JARID2: variants seen among roughly 807,000 people sequenced by gnomAD.
JARID2 encodes jumonji and AT-rich interaction domain containing 2.
JARID2 carries 21 observed loss-of-function variants against 125.6 expected under a neutral mutation model. The observed-to-expected ratio is 0.17, with a 90% CI of 0.12 to 0.24. The LOEUF (loss-of-function observed/expected upper bound fraction) is 0.24, where lower values mean the gene tolerates loss of function less well. Ranked by LOEUF, JARID2 falls within the 10% of genes least tolerant of loss-of-function variation. JARID2 has a pLI of 1.00. For synonymous variants in JARID2, 736 were observed against 661.6 expected (o/e 1.11, Z -1.73); for missense variants, 1,303 against 1,639.6 (o/e 0.79, Z 3.55).
chr6:15,257,634 A>G (rs950257939), intron 1 of JARID2, among the ~76,000 whole-genome samples: 2 of 152,194 alleles, frequency 1.3e-5, no homozygotes, highest in Non-Finnish European at 1.5e-5. Context: ...CTGTGAAATT[A>G]CTGACTTAGA....
Position 15,520,333 on chromosome 6 carries a change from A to G in JARID2, c.*82A>G. 9.1e-7 allele frequency: 1 copy of G among 1,101,922 alleles called. No individual in the cohort carries two copies. The highest frequency in any genetic ancestry group is 1.3e-6 in the Non-Finnish European group (1 of 799,296). 68.3% of individuals were successfully genotyped at this position (1,101,922 alleles called of 1,614,324 possible). Reference sequence around the variant, plus strand: ...GTTTGGAGTACTTGCTGTAGGATTCAAGCTGTCTTTGCACTAGCTCTAAAG... The same window carrying G: ...GTTTGGAGTACTTGCTGTAGGATTCGAGCTGTCTTTGCACTAGCTCTAAAG... On this transcript the variant is annotated 3_prime_UTR_variant, in exon 18 of 18. Coordinates refer to ENST00000341776, the MANE Select transcript of JARID2 (RefSeq NM_004973.4).
At chr6:15,335,300 G>A (rs951850405) in intron 1 of JARID2, among the ~76,000 whole-genome samples, 7 of 152,026 alleles carry the variant, frequency 4.6e-5, no homozygotes, top group South Asian at 2.1e-4. Context: ...GGGTTTCACC[G>A]TGTTGGCCAG....
intron 14 of JARID2, 82 bp from the exon 15 acceptor site, chr6:15,512,833 G>C (rs1771343646): frequency 1.5e-6 from 2 of 1,340,508 alleles, no homozygotes; most frequent in Admixed American, 2.1e-5. Flanking sequence ...CAGACAGCCT[G>C]CCTGCCCCCT....
In JARID2 at chr6:15,490,532, G is replaced by A. The variant is rs150395935; in HGVS notation, c.906+2990G>A. On this transcript the variant is annotated intron_variant, in intron 6 of 17. Coordinates refer to ENST00000341776, the MANE Select transcript of JARID2 (RefSeq NM_004973.4). ...GTACTTCACCTAAGCCTTTTTCTTG[G>A]TGAGAGGGCTCTGGCCCCGGCCGTT... Among the ~76,000 whole-genome samples, 6 of 152,328 alleles carry A rather than the reference G, an allele frequency of 3.9e-5. No individual in the cohort carries two copies. In the East Asian group the frequency reaches 9.6e-4, roughly 24 times the overall value.
intron 2 of JARID2, among the ~76,000 whole-genome samples, chr6:15,384,640 A>G (rs551955524): frequency 9.2e-5 from 14 of 152,152 alleles, no homozygotes; most frequent in Non-Finnish European, 1.8e-4. Context: ...CCTAGGCTGG[A>G]GTGCAGTGGG....
At chr6:15,488,219 C>T (rs2127719312) in intron 6 of JARID2, among the ~76,000 whole-genome samples, 1 of 152,284 alleles carries the variant, frequency 6.6e-6, no homozygotes, top group Middle Eastern at 3.4e-3. Flanking sequence ...TTGAAGAATC[C>T]CTCAGGGCTT....
chr6:15,456,329 T>C (rs1768175292), intron 4 of JARID2, among the ~76,000 whole-genome samples: 1 of 152,144 alleles, frequency 6.6e-6, no homozygotes, highest in African/African-American at 2.4e-5. Context: ...GAGAATCATC[T>C]TTTCATAGAT....
intron 1 of JARID2, among the ~76,000 whole-genome samples, chr6:15,359,767 A>T (rs1465506732): frequency 6.7e-6 from 1 of 150,274 alleles, no homozygotes; most frequent in African/African-American, 2.5e-5. Context: ...CAGTGGCACA[A>T]TCTCTGCCTC....
chr6:15,388,251 G>A (rs1764862112), intron 2 of JARID2, among the ~76,000 whole-genome samples: 1 of 151,950 alleles, frequency 6.6e-6, no homozygotes, highest in African/African-American at 2.4e-5. Context: ...CTTAGCTTTT[G>A]GAAATAACCT....
chr6:15,249,397 C>T (rs1025314302), intron 1 of JARID2, among the ~76,000 whole-genome samples: 1 of 152,190 alleles, frequency 6.6e-6, no homozygotes, highest in Admixed American at 6.5e-5. Flanking sequence ...GGGGGCTGGA[C>T]CAAAGGAAGA....
intron 1 of JARID2, among the ~76,000 whole-genome samples, chr6:15,328,568 G>C (rs545563683): frequency 2.6e-5 from 4 of 152,144 alleles, no homozygotes; most frequent in African/African-American, 7.2e-5. Flanking sequence ...GCTTAATCCT[G>C]TTGTTCCAGA....
At chr6:15,380,945 A>G (rs1764557970) in intron 2 of JARID2, among the ~76,000 whole-genome samples, 1 of 152,114 alleles carries the variant, frequency 6.6e-6, no homozygotes, top group South Asian at 2.1e-4. Context: ...TACGAAGGGG[A>G]ACACCTGTCC....
chr6:15,346,512 T>A (rs1304929798), intron 1 of JARID2, among the ~76,000 whole-genome samples: 1 of 152,178 alleles, frequency 6.6e-6, no homozygotes, highest in African/African-American at 2.4e-5. Flanking sequence ...CAGGGCAGAT[T>A]AGTAGGCTTT....
At chr6:15,328,269 A>T (rs921061785) in intron 1 of JARID2, among the ~76,000 whole-genome samples, 3 of 152,150 alleles carry the variant, frequency 2.0e-5, no homozygotes, top group Admixed American at 2.0e-4. Flanking sequence ...TGTGAACAGG[A>T]TCTCCAAATT....
Position 15,246,370 on chromosome 6 carries a change from T to C in JARID2, c.-170T>C, listed in dbSNP as rs777716507. The C allele has an allele frequency of 5.5e-5, 32 of 582,908 alleles. No individual in the cohort carries two copies. Among genetic ancestry groups the C allele is most frequent in the Non-Finnish European group, 7.9e-5 (26 of 329,644 alleles). The allele number at this position is 582,908 out of a possible 1,614,324, so 36.1% of individuals were successfully genotyped here. On this transcript the variant is annotated 5_prime_UTR_variant, in exon 1 of 18. Coordinates refer to ENST00000341776, the MANE Select transcript of JARID2 (RefSeq NM_004973.4). The stretch of plus-strand genomic sequence containing the variant: ...TTTTTTTTTCCTTCCCAATTTCGGA[T>C]TTATTTCAAGGCGAATCTGGCTTTG...
At chr6:15,338,299 C>T (rs200771054) in intron 1 of JARID2, among the ~76,000 whole-genome samples, 3 of 152,188 alleles carry the variant, frequency 2.0e-5, no homozygotes, top group South Asian at 2.1e-4. Context: ...CTTCACCACT[C>T]CCAGCTTATA....
At chr6:15,509,970 G>A (rs1345051243) in intron 12 of JARID2, among the ~76,000 whole-genome samples, 1 of 152,158 alleles carries the variant, frequency 6.6e-6, no homozygotes, top group Non-Finnish European at 1.5e-5. Flanking sequence ...ATCAGTAACA[G>A]AATATGTTGG....
chr6:15,270,589 G>A (rs569755932), intron 1 of JARID2, among the ~76,000 whole-genome samples: 1 of 152,252 alleles, frequency 6.6e-6, no homozygotes, highest in Admixed American at 6.5e-5. Context: ...CTCTACCTTT[G>A]GACTTAGCAG....
chr6:15,377,277 TTA>T (rs1486150852), intron 2 of JARID2, among the ~76,000 whole-genome samples: 1 of 152,152 alleles, frequency 6.6e-6, no homozygotes, highest in East Asian at 1.9e-4. Context: ...AAAGCACCTG[TTA>T]TATGGCAGTG....
Sources: allele counts gnomAD v4.1 joint callset (sites outside exome capture counted in the v4.1 genomes callset), GRCh38; gene constraint gnomAD v4.1.1; transcripts MANE v1.5; gene names NCBI Gene and HGNC (gene_info 2026-07-23, HGNC 2026-07-21).